MTUS2: variants seen among roughly 807,000 people sequenced by gnomAD.
MTUS2 encodes the protein microtubule-associated tumor suppressor candidate 2.
In MTUS2, 40 loss-of-function variants were observed where a neutral mutation model predicts 114.1. The observed-to-expected ratio is 0.35, with a 90% CI of 0.27 to 0.46. The LOEUF is 0.46. Ranked by LOEUF, MTUS2 falls within the 20% of genes least tolerant of loss-of-function variation. The pLI is 1.00. For synonymous variants in MTUS2, 688 were observed against 672.0 expected (o/e 1.02, Z -0.37); for missense variants, 1,679 against 1,705.4 (o/e 0.98, Z 0.27).
In MTUS2 at chr13:29,116,771, T is replaced by A. The variant is rs138715708; in HGVS notation, c.2644+15801T>A. ...CAGGGTAGGTAGGCAGGGCTTACAG[T>A]GTGAATCTCCCAGACCAAGGGATGA... is the stretch of plus-strand genomic sequence containing the variant. On this transcript the variant is annotated intron_variant, in intron 5 of 15. Transcript: ENST00000612955. 5.2e-3 allele frequency among the ~76,000 whole-genome samples: 788 copies of A among 152,258 alleles called. 8 individuals carry two copies. Among genetic ancestry groups the A allele is most frequent in the African/African-American group, 0.018 (751 of 41,530 alleles).
chr13:29,137,507 A>G (rs895590940), intron 5 of MTUS2, among the ~76,000 whole-genome samples: 1 of 151,802 alleles, frequency 6.6e-6, no homozygotes, highest in Non-Finnish European at 1.5e-5. Context: ...GTGTCCCACA[A>G]GTCCCTTAGA....
intron 5 of MTUS2, among the ~76,000 whole-genome samples, chr13:29,126,275 C>T (rs1891511979): frequency 6.6e-6 from 1 of 152,170 alleles, no homozygotes; most frequent in Admixed American, 6.5e-5. Flanking sequence ...GTGAAGAGTT[C>T]ATACGTGTAG....
At chr13:29,101,572 G>A (rs1207982236) in intron 5 of MTUS2, among the ~76,000 whole-genome samples, 1 of 152,160 alleles carries the variant, frequency 6.6e-6, no homozygotes, top group African/African-American at 2.4e-5. Flanking sequence ...TGCAGAGCAT[G>A]TTACAACAGC....
intron 5 of MTUS2, among the ~76,000 whole-genome samples, chr13:29,266,102 C>T (rs773632015): frequency 8.5e-5 from 13 of 152,162 alleles, no homozygotes; most frequent in Admixed American, 2.0e-4. Flanking sequence ...AGTCAAAAGA[C>T]TGATGGGCTG....
chr13:29,346,925 A>T (rs1336284308), intron 7 of MTUS2, among the ~76,000 whole-genome samples: 1 of 150,782 alleles, frequency 6.6e-6, no homozygotes. Flanking sequence ...TTCTCCCGTG[A>T]TCTGGTTCTT....
At chr13:29,200,081 T>C (rs1894877784) in intron 5 of MTUS2, among the ~76,000 whole-genome samples, 1 of 151,974 alleles carries the variant, frequency 6.6e-6, no homozygotes, top group Non-Finnish European at 1.5e-5. Context: ...TTCTCTCTTT[T>C]CTTCTTTATT....
chr13:29,354,680 C>T (rs971706902), intron 7 of MTUS2, among the ~76,000 whole-genome samples: 6 of 152,140 alleles, frequency 3.9e-5, no homozygotes, highest in Admixed American at 6.5e-5. Flanking sequence ...ATTTCTGCCC[C>T]GACCTGTACT....
intron 8 of MTUS2, among the ~76,000 whole-genome samples, chr13:29,398,052 A>G (rs1874040447): frequency 6.6e-6 from 1 of 152,198 alleles, no homozygotes; most frequent in Non-Finnish European, 1.5e-5. Flanking sequence ...AGCAAAAACC[A>G]TCTGTTTTAT....
At chr13:29,331,097 C>G (rs1389947199) in intron 7 of MTUS2, among the ~76,000 whole-genome samples, 2 of 152,040 alleles carry the variant, frequency 1.3e-5, no homozygotes, top group Admixed American at 6.6e-5. Context: ...TTGTTTGTGT[C>G]CTCTCTTATT....
rs533614691 is a variant in MTUS2 at position 29,330,910 on chromosome 13, C to T, written c.2905+6199C>T. On this transcript the variant is annotated intron_variant, in intron 7 of 15. Transcript: ENST00000612955. Reference sequence around the variant, plus strand: ...TTCTTTTTGATTAGGATAATCTTGGCAATGCAGGCTCTTTTTTGGTTCCAT... The same window carrying T: ...TTCTTTTTGATTAGGATAATCTTGGTAATGCAGGCTCTTTTTTGGTTCCAT... Among the ~76,000 whole-genome samples, 12 of 152,230 alleles carry T rather than the reference C, an allele frequency of 7.9e-5. No individual in the cohort carries two copies. In the East Asian group the frequency reaches 2.1e-3, roughly 27 times the overall value.
chr13:28,904,005 A>T (rs1189904255), intron 2 of MTUS2, among the ~76,000 whole-genome samples: 2 of 152,212 alleles, frequency 1.3e-5, no homozygotes, highest in Non-Finnish European at 2.9e-5. Context: ...CATTTCTCTG[A>T]TAGCCAGTGA....
At chr13:29,182,782 G>A (rs181060801) in intron 5 of MTUS2, among the ~76,000 whole-genome samples, 9 of 152,302 alleles carry the variant, frequency 5.9e-5, no homozygotes, top group Non-Finnish European at 1.2e-4. Flanking sequence ...TGGATGAGAG[G>A]GTTGAATTAA....
At chr13:29,390,199 A>C (rs1873321549) in intron 8 of MTUS2, among the ~76,000 whole-genome samples, 1 of 150,342 alleles carries the variant, frequency 6.7e-6, no homozygotes, top group Non-Finnish European at 1.5e-5. Context: ...TATTTTTTCT[A>C]ATGGAGTGAA....
At chr13:28,820,929 T>G (rs1873854302) in intron 1 of MTUS2, among the ~76,000 whole-genome samples, 1 of 152,204 alleles carries the variant, frequency 6.6e-6, no homozygotes, top group African/African-American at 2.4e-5. Context: ...GTCTGAGTCT[T>G]CGTCTTAATT....
At chr13:29,030,109 A>G (rs1886747748) in intron 3 of MTUS2, among the ~76,000 whole-genome samples, 1 of 152,094 alleles carries the variant, frequency 6.6e-6, no homozygotes. Flanking sequence ...TTTCGTGTAT[A>G]TTTCTTTTCT....
At chr13:29,147,012 G>A (rs1892463562) in intron 5 of MTUS2, among the ~76,000 whole-genome samples, 1 of 152,156 alleles carries the variant, frequency 6.6e-6, no homozygotes, top group Admixed American at 6.5e-5. Context: ...AGTAACAGCA[G>A]TTGTTGCAAA....
intron 2 of MTUS2, among the ~76,000 whole-genome samples, chr13:28,976,385 A>AT (rs1884108065): frequency 6.6e-6 from 1 of 152,182 alleles, no homozygotes; most frequent in Non-Finnish European, 1.5e-5. Context: ...TGGGTGGAAC[A>AT]TTGTAGGAGG....
At chr13:29,086,115 A>G (rs1889680739) in intron 4 of MTUS2, among the ~76,000 whole-genome samples, 1 of 152,068 alleles carries the variant, frequency 6.6e-6, no homozygotes, top group Non-Finnish European at 1.5e-5. Flanking sequence ...TTCTTTGCCC[A>G]TTTTGAAATG....
intron 1 of MTUS2, among the ~76,000 whole-genome samples, chr13:28,829,871 A>G (rs1323327461): frequency 6.6e-6 from 1 of 152,226 alleles, no homozygotes; most frequent in Non-Finnish European, 1.5e-5. Flanking sequence ...TAGAAGTCCC[A>G]TGTCTGTATG....
Sources: allele counts gnomAD v4.1 joint callset (sites outside exome capture counted in the v4.1 genomes callset), GRCh38; gene constraint gnomAD v4.1.1; transcripts MANE v1.5; gene names NCBI Gene and HGNC (gene_info 2026-07-23, HGNC 2026-07-21).